Variants in SLCO4A1 observed in about 807,000 individuals in gnomAD.
SLCO4A1 encodes colon organic anion transporter.
In SLCO4A1, 51 loss-of-function variants were observed where a neutral mutation model predicts 64.6. That is an observed-to-expected ratio of 0.79 (90% CI 0.63 to 1.00). SLCO4A1 has a LOEUF of 1.00. Ranked by LOEUF, SLCO4A1 falls within the 50% of genes least tolerant of loss-of-function variation. The pLI is 0.00. For missense variants in SLCO4A1, 919 were observed against 980.5 expected (o/e 0.94, Z 0.84); for synonymous variants, 471 against 444.9 (o/e 1.06, Z -0.74).
chr20:62,669,042 G>T lies in SLCO4A1; in HGVS notation c.1989G>T (p.Met663Ile). 3 of 1,611,430 alleles carry T rather than the reference G, an allele frequency of 1.9e-6. No individual in the cohort carries two copies. The South Asian group carries it at 3.3e-5, about 18-fold the overall frequency. ...GSCLVYQNSA[M>I]SRYILIMGLL... ...GCTTGGTGTACCAGAATTCGGCCAT[G>T]AGCCGCTACATACTCATCATGGGGC... The change falls in exon 11 of 12, where the codon ATG becomes ATT. Residue 663 changes from methionine (M) to isoleucine (I), a missense_variant. Transcript: ENST00000217159.
chr20:62,665,198 C>A, intron 6 of SLCO4A1, 110 bp downstream of exon 6: 2 of 1,218,966 alleles, frequency 1.6e-6, no homozygotes, highest in Non-Finnish European at 2.3e-6. Flanking sequence ...GCAGTGAGTG[C>A]CCTCCCACCC....
At chr20:62,648,180 G>A (rs1181680658) in intron 1 of SLCO4A1, among the ~76,000 whole-genome samples, 1 of 152,274 alleles carries the variant, frequency 6.6e-6, no homozygotes, top group Non-Finnish European at 1.5e-5. Context: ...CCCCTGCGGG[G>A]TTGTTGTGGG....
intron 7 of SLCO4A1, 195 bp downstream of exon 7, chr20:62,666,770 A>G (rs1011948504): frequency 1.7e-6 from 1 of 603,132 alleles, no homozygotes; most frequent in Non-Finnish European, 2.9e-6. Flanking sequence ...GCCAGCCCCC[A>G]GCAGTGCCTG....
chr20:62,658,306 T>A (rs886523064), intron 2 of SLCO4A1, among the ~76,000 whole-genome samples: 1 of 151,934 alleles, frequency 6.6e-6, no homozygotes, highest in African/African-American at 2.4e-5. Context: ...TGTGGGAGAG[T>A]GAGCGTGGCT....
Position 62,657,073 on chromosome 20 carries a change from A to T in SLCO4A1, c.619A>T (p.Thr207Ser). 1 of 1,602,794 alleles carries T rather than the reference A, an allele frequency of 6.2e-7. No individual in the cohort carries two copies. The highest frequency in any genetic ancestry group is 8.5e-7 in the Non-Finnish European group (1 of 1,175,316). ...YEVELDAGVR[T>S]CPANPGAVCA... ...GGTGGAGTTGGACGCGGGTGTCAGGACGTGCCCTGCCAACCCCGGCGCGGT... is the reference window on the plus strand; with the variant it reads ...GGTGGAGTTGGACGCGGGTGTCAGGTCGTGCCCTGCCAACCCCGGCGCGGT... Residue 207 changes from threonine (T) to serine (S), a missense_variant, in exon 2 of 12, where the codon ACG becomes TCG. Transcript: ENST00000217159.
intron 4 of SLCO4A1, 67 bp downstream of exon 4, chr20:62,660,600 C>T (rs369298311): frequency 3.2e-6 from 5 of 1,539,322 alleles, no homozygotes; most frequent in East Asian, 4.5e-5. Context: ...GCGAAGGGGG[C>T]ACCCCGTTTC....
chr20:62,672,896 T>G (rs1376041697), downstream of SLCO4A1, among the ~76,000 whole-genome samples: 1 of 145,406 alleles, frequency 6.9e-6, no homozygotes, highest in African/African-American at 2.4e-5. Context: ...TTCAGGTGGG[T>G]CAGATCAGAA....
In SLCO4A1 at chr20:62,667,752, C is replaced by T; in HGVS notation, c.1480C>T (p.Pro494Ser). ...VTASYGGSLL[P>S]EGHLNLTAPC... ...CTTGTCCCCCCTCTGCAGCCTCCTG[C>T]CCGAAGGCCACCTGAACCTAACGGC... The change falls in exon 8 of 12, where the codon CCC becomes TCC. Residue 494 changes from proline (P) to serine (S), a missense_variant. Transcript: ENST00000217159. 6.2e-7 allele frequency: 1 copy of T among 1,607,884 alleles called. No individual in the cohort carries two copies. Among genetic ancestry groups the T allele is most frequent in the Non-Finnish European group, 8.5e-7 (1 of 1,177,346 alleles).
At chr20:62,667,612 G>A (rs1986599020) in intron 7 of SLCO4A1, 133 bp from the exon 8 acceptor site, 1 of 1,073,022 alleles carries the variant, frequency 9.3e-7, no homozygotes, top group Non-Finnish European at 1.3e-6. Context: ...GCTGGGGGCG[G>A]TGCAAGCTTG....
intron 1 of SLCO4A1, among the ~76,000 whole-genome samples, chr20:62,653,972 T>C (rs1042586127): frequency 2.0e-5 from 3 of 152,092 alleles, no homozygotes; most frequent in East Asian, 1.9e-4. Flanking sequence ...CACACCAACA[T>C]GGCACATGTA....
intron 2 of SLCO4A1, among the ~76,000 whole-genome samples, chr20:62,682,164 T>C (rs1202435872): frequency 2.6e-5 from 4 of 152,184 alleles, no homozygotes; most frequent in African/African-American, 7.2e-5. Context: ...TGGTGTTAGC[T>C]TGTCAGGGGC....
intron 1 of SLCO4A1, 123 bp from the exon 2 acceptor site, chr20:62,656,236 T>C: frequency 1.9e-6 from 1 of 530,536 alleles, no homozygotes; most frequent in Non-Finnish European, 3.3e-6. Flanking sequence ...TTTGGGAGGC[T>C]CTTGAGACAA....
intron 7 of SLCO4A1, chr20:62,667,346 C>T (rs7270278): frequency 0.016 from 3,414 of 209,596 alleles, 106 homozygotes; most frequent in African/African-American, 0.071. Flanking sequence ...AATGCACAGC[C>T]GGCCTGTGGC....
At position 62,668,414 on chromosome 20, in the gene SLCO4A1, A is replaced by G. The variant is rs565124337; in HGVS notation, c.1812-63A>G. 1.9e-6 allele frequency: 3 copies of G among 1,542,038 alleles called. No homozygotes were observed. In the South Asian group the frequency reaches 3.3e-5, roughly 17 times the overall value. ...GACTGGTCCAGGAGGCCACTGGCCT[A>G]GGGGGTGACTTGGCATGCAACCCCA... On this transcript the variant is annotated intron_variant, in intron 9 of 11. Coordinates refer to ENST00000217159, the MANE Select transcript of SLCO4A1 (RefSeq NM_016354.4).
downstream of SLCO4A1, among the ~76,000 whole-genome samples, chr20:62,673,077 A>G (rs1246358463): frequency 1.4e-5 from 2 of 143,380 alleles, 1 homozygote; most frequent in Non-Finnish European, 3.2e-5. Context: ...TAAGGAGATA[A>G]AACACAGCCA....
chr20:62,688,286 G>A (rs1043911017), downstream of SLCO4A1, among the ~76,000 whole-genome samples: 7 of 152,224 alleles, frequency 4.6e-5, no homozygotes, highest in East Asian at 1.9e-4. Context: ...GGTCCTGCCC[G>A]CGGCCCCCCA....
chr20:62,643,457 G>T (rs925082832), intron 1 of SLCO4A1, among the ~76,000 whole-genome samples: 1 of 152,274 alleles, frequency 6.6e-6, no homozygotes, highest in Non-Finnish European at 1.5e-5. Flanking sequence ...CGCGTGGTTG[G>T]TGAACCCTCA....
chr20:62,660,661 C>A, intron 4 of SLCO4A1, 128 bp downstream of exon 4: 1 of 1,154,440 alleles, frequency 8.7e-7, no homozygotes, highest in South Asian at 1.4e-5. Flanking sequence ...CACCCTCATT[C>A]TCAGTGTTCT....
At chr20:62,676,704 G>T (rs1433537476), downstream of SLCO4A1, among the ~76,000 whole-genome samples, 1 of 152,164 alleles carries the variant, frequency 6.6e-6, no homozygotes, top group African/African-American at 2.4e-5. Context: ...ACGGTAAAAT[G>T]GCACAGCCGC....
Sources: gnomAD v4.1 joint callset for allele counts (sites outside exome capture counted in the v4.1 genomes callset) on GRCh38, gnomAD v4.1.1 for gene constraint, MANE v1.5 for transcripts, NCBI Gene and HGNC (gene_info 2026-07-23, HGNC 2026-07-21) for gene names.